LAMA3: variants seen among roughly 807,000 people sequenced by gnomAD.
The protein encoded by LAMA3 is laminin subunit alpha 3, also known as laminin subunit alpha-3.
Under a neutral mutation model 402.0 loss-of-function variants are expected in LAMA3, and 281 were observed. The observed-to-expected ratio is 0.70, with a 90% CI of 0.63 to 0.77. The LOEUF is 0.77. Ranked by LOEUF, LAMA3 falls within the 30% of genes least tolerant of loss-of-function variation. The pLI, the probability that LAMA3 is intolerant of heterozygous loss-of-function variation, is 0.00. For synonymous variants in LAMA3, 1,431 were observed against 1,558.4 expected (o/e 0.92, Z 1.93); for missense variants, 3,840 against 4,215.5 (o/e 0.91, Z 2.47).
At chr18:23,818,481 A>G (rs1325990882) in intron 18 of LAMA3, among the ~76,000 whole-genome samples, 1 of 152,268 alleles carries the variant, frequency 6.6e-6, no homozygotes, top group African/African-American at 2.4e-5. Context: ...TGTCTCCAAC[A>G]TGACAATCTT....
chr18:23,708,927 A>T (rs921113025), intron 1 of LAMA3, among the ~76,000 whole-genome samples: 19 of 24,914 alleles, frequency 7.6e-4, no homozygotes, highest in East Asian at 5.0e-3. Context: ...CTGGCTAATT[A>T]AAAAAAAAAA....
At position 23,844,931 on chromosome 18, in the gene LAMA3, G is replaced by T. The variant is rs1241313601; in HGVS notation, c.3604-78G>T. 6 of 856,242 alleles carry T rather than the reference G, an allele frequency of 7.0e-6. 1 individual carries two copies. The African/African-American group carries it at 1.0e-4, about 14-fold the overall frequency. 53.0% of individuals were successfully genotyped at this position (856,242 alleles called of 1,614,324 possible). A position where few individuals can be genotyped will look rare whatever the true frequency, so the allele number is the denominator to read the frequency against. On this transcript the variant is annotated intron_variant, in intron 29 of 74. Transcript: ENST00000313654. Reference sequence around the variant, plus strand: ...GATTTTGGATTTTTCGAGTAGGGGTGCTCAACCTGTATAATAAGTAGCCTT... The same window carrying T: ...GATTTTGGATTTTTCGAGTAGGGGTTCTCAACCTGTATAATAAGTAGCCTT...
intron 12 of LAMA3, among the ~76,000 whole-genome samples, chr18:23,791,327 A>C (rs761525680): frequency 3.0e-4 from 46 of 152,222 alleles, no homozygotes; most frequent in Non-Finnish European, 5.7e-4. Context: ...AGCTACCTAG[A>C]AATGTAAGCA....
chr18:23,913,111 C>T (rs949915379), intron 56 of LAMA3, among the ~76,000 whole-genome samples: 1 of 152,168 alleles, frequency 6.6e-6, no homozygotes, highest in Non-Finnish European at 1.5e-5. Flanking sequence ...GAGGCTTTAC[C>T]CAATGGGCCC....
At chr18:23,753,007 G>A (rs535861740) in intron 5 of LAMA3, among the ~76,000 whole-genome samples, 1 of 152,346 alleles carries the variant, frequency 6.6e-6, no homozygotes, top group South Asian at 2.1e-4. Flanking sequence ...GAGGGAGCTG[G>A]CAGGAGGAGC....
intron 29 of LAMA3, among the ~76,000 whole-genome samples, 171 bp from the exon 30 acceptor site, chr18:23,844,838 T>A (rs1396134778): frequency 6.6e-6 from 1 of 152,206 alleles, no homozygotes; most frequent in Non-Finnish European, 1.5e-5. Context: ...CCAGTGAGCA[T>A]TTCTTTTGAG....
At chr18:23,851,395 T>C (rs1461861995) in intron 32 of LAMA3, among the ~76,000 whole-genome samples, 1 of 152,200 alleles carries the variant, frequency 6.6e-6, no homozygotes, top group Non-Finnish European at 1.5e-5. Context: ...AGAAGATGTG[T>C]GGTGTGAGTT....
intron 35 of LAMA3, among the ~76,000 whole-genome samples, chr18:23,863,413 C>T (rs1258479782): frequency 4.6e-5 from 7 of 152,196 alleles, no homozygotes; most frequent in Non-Finnish European, 7.3e-5. Context: ...CCATTGGACT[C>T]CAGCCTGGGC....
intron 49 of LAMA3, among the ~76,000 whole-genome samples, chr18:23,903,604 A>G (rs112389236): frequency 0.014 from 2,120 of 152,356 alleles, 20 homozygotes; most frequent in Non-Finnish European, 0.024. Flanking sequence ...TGCTGCACCC[A>G]GTAACTCTTT....
At chr18:23,911,795 AT>A (rs1599073841) in intron 55 of LAMA3, among the ~76,000 whole-genome samples, 1 of 147,144 alleles carries the variant, frequency 6.8e-6, no homozygotes, top group East Asian at 1.9e-4. Context: ...ATGCATATAT[AT>A]TTAATTATAT....
At chr18:23,817,015 T>C (rs2063189226) in intron 18 of LAMA3, among the ~76,000 whole-genome samples, 1 of 152,162 alleles carries the variant, frequency 6.6e-6, no homozygotes, top group Admixed American at 6.5e-5. Context: ...GTTCAGTTCC[T>C]GTTTCCCTCT....
chr18:23,859,024 C>A (rs2064152694), intron 34 of LAMA3, among the ~76,000 whole-genome samples, 195 bp downstream of exon 34: 1 of 152,182 alleles, frequency 6.6e-6, no homozygotes, highest in African/African-American at 2.4e-5. Context: ...ACCTTGGACA[C>A]TCTTGCTGAC....
Position 23,881,976 on chromosome 18 carries a change from G to A in LAMA3, c.5153G>A (p.Cys1718Tyr), listed in dbSNP as rs1214698913. Residue 1718 changes from cysteine to tyrosine, a missense_variant, in exon 40 of 75, where the codon TGC becomes TAC. Cys to Tyr is a radical substitution (Grantham distance 194). Coordinates refer to ENST00000313654, the MANE Select transcript of LAMA3 (RefSeq NM_198129.4). ...HNTAGEHCERCQEGYYGNAVH... is the reference protein window; with the variant it reads ...HNTAGEHCERYQEGYYGNAVH... ...ACCGCGGGAGAGCACTGTGAACGCT[G>A]CCAGGAGGGCTACTATGGCAACGCC... 3 of 1,614,000 alleles carry A rather than the reference G, an allele frequency of 1.9e-6. No individual in the cohort carries two copies. The highest frequency in any genetic ancestry group is 2.5e-6 in the Non-Finnish European group (3 of 1,179,992).
At chr18:23,690,877 T>TTATG (rs1177590921) in intron 1 of LAMA3, among the ~76,000 whole-genome samples, 1 of 40,392 alleles carries the variant, frequency 2.5e-5, no homozygotes, top group Admixed American at 2.2e-4. Context: ...TGGCAATTAT[T>TTATG]TATTTATTTA....
At chr18:23,888,786 C>T (rs993707757) in intron 41 of LAMA3, among the ~76,000 whole-genome samples, 1 of 151,708 alleles carries the variant, frequency 6.6e-6, no homozygotes, top group African/African-American at 2.4e-5. Context: ...TACCATATTC[C>T]CTTGAGTCTA....
chr18:23,877,141 G>T (rs912194911), intron 39 of LAMA3, among the ~76,000 whole-genome samples: 3 of 152,154 alleles, frequency 2.0e-5, no homozygotes, highest in Non-Finnish European at 4.4e-5. Flanking sequence ...GAGGGAGGTC[G>T]TGGGGAAGGG....
In LAMA3 at chr18:23,753,726, T is replaced by C. The variant is rs781210954; in HGVS notation, c.861T>C (p.Tyr287=). The change falls in exon 6 of 75, where the codon TAT becomes TAC. Residue 287 remains tyrosine (Y), a synonymous_variant. Transcript: ENST00000313654. ...TTCTGTGTTCTGTTGTGCAGTATTATTACAGCATAAAGGACATCAGCATTG... is the reference window on the plus strand; with the variant it reads ...TTCTGTGTTCTGTTGTGCAGTATTACTACAGCATAAAGGACATCAGCATTG... The part of the protein sequence containing the change: ...QRDPTVTRRY[Y]YSIKDISIGG... 6.8e-6 allele frequency: 11 copies of C among 1,611,312 alleles called. No individual in the cohort carries two copies. Among genetic ancestry groups the C allele is most frequent in the African/African-American group, 1.3e-5 (1 of 74,906 alleles).
chr18:23,724,819 CAG>C (rs1232196173), intron 2 of LAMA3, among the ~76,000 whole-genome samples: 2 of 152,148 alleles, frequency 1.3e-5, no homozygotes, highest in Non-Finnish European at 2.9e-5. Flanking sequence ...TGTGGCGTCT[CAG>C]GGGAGTCACT....
chr18:23,945,817 A>C (rs1443686151), intron 69 of LAMA3, among the ~76,000 whole-genome samples: 1 of 152,076 alleles, frequency 6.6e-6, no homozygotes. Context: ...CCTTTGTTAC[A>C]TGGAGGGGGT....
Sources: gnomAD v4.1 joint callset for allele counts (sites outside exome capture counted in the v4.1 genomes callset) on GRCh38, gnomAD v4.1.1 for gene constraint, MANE v1.5 for transcripts, NCBI Gene and HGNC (gene_info 2026-07-23, HGNC 2026-07-21) for gene names.